Variants in ARF3 observed in about 807,000 individuals in gnomAD.
ARF3 encodes ARF GTPase 3, also known as ADP-ribosylation factor 3.
ARF3 carries 5 observed loss-of-function variants against 19.3 expected under a neutral mutation model. The observed-to-expected ratio is 0.26, with a 90% CI of 0.14 to 0.54. The LOEUF is 0.54. Ranked by LOEUF, ARF3 falls within the 20% of genes least tolerant of loss-of-function variation. ARF3 has a pLI of 0.95. For synonymous variants in ARF3, 71 were observed against 89.2 expected (o/e 0.80, Z 1.15); for missense variants, 77 against 234.2 (o/e 0.33, Z 4.38).
chr12:48,938,567 GAAGGGCT>G lies in ARF3; in HGVS notation c.*373_*379del, dbSNP rs1162047677. 1 of 460,336 alleles carries G rather than the reference GAAGGGCT, an allele frequency of 2.2e-6. No homozygotes were observed. Among genetic ancestry groups the G allele is most frequent in the East Asian group, 6.8e-5 (1 of 14,612 alleles). The allele number at this position is 460,336 out of a possible 1,614,324, so 28.5% of individuals were successfully genotyped here. ...GCAAAGGAAAGGCAAACAGGGAGTA[GAAGGGCT>G]TGTGGGGACAGGGAAAGGACTCAGA... On this transcript the variant is annotated 3_prime_UTR_variant, in exon 5 of 5. Transcript: ENST00000256682.
At chr12:48,953,915 T>C (rs773359783) in intron 1 of ARF3, among the ~76,000 whole-genome samples, 2 of 152,216 alleles carry the variant, frequency 1.3e-5, no homozygotes, top group South Asian at 2.1e-4. Context: ...TCTACAGATA[T>C]CACAATTTCT....
At chr12:48,942,877 C>G (rs1028657812) in intron 1 of ARF3, among the ~76,000 whole-genome samples, 2 of 152,118 alleles carry the variant, frequency 1.3e-5, no homozygotes, top group Admixed American at 1.3e-4. Flanking sequence ...GAGGCCCAGG[C>G]GGGTGGATCA....
In ARF3 at chr12:48,941,829, T is replaced by C. The variant is rs912421038; in HGVS notation, c.-93-641A>G. 1.3e-5 allele frequency among the ~76,000 whole-genome samples: 2 copies of C among 152,246 alleles called. 1 individual carries two copies. The highest frequency in any genetic ancestry group is 3.8e-4 in the East Asian group (2 of 5,206). ...AATGCCAGCTGCTAATGTTGTGCCCTGTTCAAACAACAGTGCACTGGCAGT... is the reference window on the plus strand; with the variant it reads ...AATGCCAGCTGCTAATGTTGTGCCCCGTTCAAACAACAGTGCACTGGCAGT... On this transcript the variant is annotated intron_variant, in intron 1 of 4. Coordinates refer to ENST00000256682, the MANE Select transcript of ARF3 (RefSeq NM_001659.3).
In ARF3 at chr12:48,949,800, C is replaced by T. The variant is rs537741129; in HGVS notation, c.-94+7510G>A. On this transcript the variant is annotated intron_variant, in intron 1 of 4. Coordinates refer to ENST00000256682, the MANE Select transcript of ARF3 (RefSeq NM_001659.3). ...CCTCAAGCAGTCCTCCCACCTCAGCCTCCCAAAGTACTGAGATGACAGGCA... is the reference window on the plus strand; with the variant it reads ...CCTCAAGCAGTCCTCCCACCTCAGCTTCCCAAAGTACTGAGATGACAGGCA... Among the ~76,000 whole-genome samples the T allele has an allele frequency of 6.6e-5, 10 of 152,290 alleles. No individual in the cohort carries two copies. The East Asian group carries it at 1.9e-3, about 29-fold the overall frequency.
At chr12:48,942,363 G>A (rs574309773) in intron 1 of ARF3, among the ~76,000 whole-genome samples, 1 of 151,468 alleles carries the variant, frequency 6.6e-6, no homozygotes, top group Non-Finnish European at 1.5e-5. Flanking sequence ...TTACAAGCAT[G>A]AGCCACCATG....
At chr12:48,951,848 C>T (rs1056675899) in intron 1 of ARF3, among the ~76,000 whole-genome samples, 3 of 150,898 alleles carry the variant, frequency 2.0e-5, no homozygotes, top group African/African-American at 7.3e-5. Context: ...CATTGCACTC[C>T]AGGCTGGGCA....
intron 2 of ARF3, among the ~76,000 whole-genome samples, chr12:48,940,406 G>T (rs937061911): frequency 1.3e-5 from 2 of 152,158 alleles, no homozygotes; most frequent in Non-Finnish European, 2.9e-5. Context: ...CCTACAAAAT[G>T]ACTCAGCCCT....
chr12:48,938,678 A>AGAG lies in ARF3; in HGVS notation c.*268_*269insCTC. 1 of 475,450 alleles carries AGAG rather than the reference A, an allele frequency of 2.1e-6. No homozygotes were observed. Among genetic ancestry groups the AGAG allele is most frequent in the South Asian group, 2.0e-5 (1 of 50,298 alleles). The allele number at this position is 475,450 out of a possible 1,614,324, so 29.5% of individuals were successfully genotyped here. On this transcript the variant is annotated 3_prime_UTR_variant, in exon 5 of 5. Transcript: ENST00000256682. ...CCGAAACCCAGAGGGTGAGAGAGAG[A>AGAG]GGGGCCACCCCATGAAACCGTAACA... is the stretch of plus-strand genomic sequence containing the variant.
At chr12:48,953,021 GAA>G (rs1940495891) in intron 1 of ARF3, 1 of 152,206 alleles carries the variant, frequency 6.6e-6, no homozygotes, top group Non-Finnish European at 1.5e-5. Flanking sequence ...AAAAAGGCTG[GAA>G]AGTACCTCAC....
intron 1 of ARF3, among the ~76,000 whole-genome samples, chr12:48,955,017 G>A (rs1396471612): frequency 6.6e-6 from 1 of 152,108 alleles, no homozygotes; most frequent in African/African-American, 2.4e-5. Flanking sequence ...GGTATATAGG[G>A]AAGCAGATTC....
Position 48,938,430 on chromosome 12 carries a change from G to GC in ARF3, c.*516dup. On this transcript the variant is annotated 3_prime_UTR_variant, in exon 5 of 5. Transcript: ENST00000256682. ...CTGAGCTTCACTCCACCCCCTCCCCGCTCCCCCCGGCCCCCACAAATATAT... is the reference window on the plus strand; with the variant it reads ...CTGAGCTTCACTCCACCCCCTCCCCGCCTCCCCCCGGCCCCCACAAATATAT... 1 of 387,540 alleles carries GC rather than the reference G, an allele frequency of 2.6e-6. No individual in the cohort carries two copies. The allele number at this position is 387,540 out of a possible 1,614,324, so 24.0% of individuals were successfully genotyped here.
intron 1 of ARF3, among the ~76,000 whole-genome samples, chr12:48,947,305 CTTTTTT>C (rs201946318): frequency 0.46 from 60,816 of 133,294 alleles, 12,837 homozygotes; most frequent in South Asian, 0.62. Context: ...ATTCATCAAA[CTTTTTT>C]TTTTTTTTTT....
At chr12:48,944,745 T>C (rs1273365777) in intron 1 of ARF3, among the ~76,000 whole-genome samples, 1 of 152,204 alleles carries the variant, frequency 6.6e-6, no homozygotes, top group African/African-American at 2.4e-5. Flanking sequence ...TCCACACATA[T>C]TTGACGCAGG....
Position 48,939,509 on chromosome 12 carries a change from G to C in ARF3, c.384+146C>G. On this transcript the variant is annotated intron_variant, in intron 4 of 4. Coordinates refer to ENST00000256682, the MANE Select transcript of ARF3 (RefSeq NM_001659.3). This position sits in a 1 kb window ranked among gnomAD's most constrained non-coding sequence, Gnocchi z 4.8. Reference sequence around the variant, plus strand: ...GCTTGGGGTGGGGCACAAGAAGAGGGGCATAAAGAAGCCAAGTGCTCAGTT... The same window carrying C: ...GCTTGGGGTGGGGCACAAGAAGAGGCGCATAAAGAAGCCAAGTGCTCAGTT... The C allele has an allele frequency of 9.5e-7, 1 of 1,047,694 alleles. No homozygotes were observed. The highest frequency in any genetic ancestry group is 1.6e-5 in the South Asian group (1 of 63,510). The allele number at this position is 1,047,694 out of a possible 1,614,324, so 64.9% of individuals were successfully genotyped here.
rs546723361 is a variant in ARF3 at position 48,952,881 on chromosome 12, G to A, written c.-94+4429C>T. 2.6e-4 allele frequency among the ~76,000 whole-genome samples: 40 copies of A among 152,328 alleles called. No individual in the cohort carries two copies. The South Asian group carries it at 3.1e-3, about 12-fold the overall frequency. On this transcript the variant is annotated intron_variant, in intron 1 of 4. Transcript: ENST00000256682. ...CCAATGTGCCTCTAGTGCATTACAG[G>A]TCAGCTGGAGATACTGATCCTATCA...
At position 48,937,485 on chromosome 12, in the gene ARF3, AT is replaced by A. The variant is rs1305569280; in HGVS notation, c.*1461del. The A allele has an allele frequency of 2.6e-5, 4 of 152,578 alleles. No individual in the cohort carries two copies. The highest frequency in any genetic ancestry group is 5.9e-5 in the Non-Finnish European group (4 of 68,080). 9.5% of individuals were successfully genotyped at this position (152,578 alleles called of 1,614,324 possible). A position where few individuals can be genotyped will look rare whatever the true frequency, so the allele number is the denominator to read the frequency against. On this transcript the variant is annotated 3_prime_UTR_variant, in exon 5 of 5. Transcript: ENST00000256682. The stretch of plus-strand genomic sequence containing the variant: ...GTAGCAACAGCTTCTGAACAACTAC[AT>A]AATAATGCGGGGAGAATCCTGAAGA...
At chr12:48,947,236 C>T (rs943055638) in intron 1 of ARF3, among the ~76,000 whole-genome samples, 3 of 151,784 alleles carry the variant, frequency 2.0e-5, no homozygotes, top group African/African-American at 7.3e-5. Flanking sequence ...TGAACTATTT[C>T]GACTAGACTT....
At chr12:48,951,874 C>T (rs11168800) in intron 1 of ARF3, among the ~76,000 whole-genome samples, 48,996 of 149,766 alleles carry the variant, frequency 0.33, 8,987 homozygotes, top group Admixed American at 0.48. Context: ...AGCGAAACTC[C>T]GTCTCAAAAA....
At position 48,939,132 on chromosome 12, in the gene ARF3, A is replaced by G; in HGVS notation, c.385-24T>C. 2 of 1,601,934 alleles carry G rather than the reference A, an allele frequency of 1.2e-6. No homozygotes were observed. The highest frequency in any genetic ancestry group is 1.7e-6 in the Non-Finnish European group (2 of 1,171,990). On this transcript the variant is annotated intron_variant, in intron 4 of 4. Transcript: ENST00000256682. The surrounding 1 kb of genome is among the most constrained non-coding windows in gnomAD (Gnocchi z 4.8). ...TCCTGGAGCACGTGGGAGACACATA[A>G]AAAGAAGCCTCAGGATTTTTTAAAG...
Sources: allele counts gnomAD v4.1 joint callset (sites outside exome capture counted in the v4.1 genomes callset), GRCh38; gene constraint gnomAD v4.1.1; non-coding constraint Gnocchi (gnomAD v3.1); transcripts MANE v1.5; gene names NCBI Gene and HGNC (gene_info 2026-07-23, HGNC 2026-07-21).